RAPGEF2: variants seen among roughly 807,000 people sequenced by gnomAD.
RAPGEF2 encodes PDZ domain containing guanine nucleotide exchange factor (GEF) 1.
Under a neutral mutation model 186.7 loss-of-function variants are expected in RAPGEF2, and 54 were observed. The ratio of observed to expected loss-of-function variants is 0.29; its 90% CI spans 0.23 to 0.36. The LOEUF is 0.36. Ranked by LOEUF, RAPGEF2 falls within the 10% of genes least tolerant of loss-of-function variation. The pLI, the probability that RAPGEF2 is intolerant of heterozygous loss-of-function variation, is 1.00. For missense variants in RAPGEF2, 1,532 were observed against 2,045.0 expected (o/e 0.75, Z 4.84); for synonymous variants, 712 against 705.9 (o/e 1.01, Z -0.14).
At chr4:159,336,110 C>T (rs977854406) in intron 17 of RAPGEF2, among the ~76,000 whole-genome samples, 1 of 151,682 alleles carries the variant, frequency 6.6e-6, no homozygotes, top group Non-Finnish European at 1.5e-5. Context: ...TAATTTTGTC[C>T]CGGACTGACC....
intron 7 of RAPGEF2, chr4:159,267,249 C>T: frequency 6.2e-6 from 8 of 1,289,332 alleles, no homozygotes; most frequent in Non-Finnish European, 8.1e-6. Flanking sequence ...AGCTTTCTAT[C>T]CAGGAAATGG....
At chr4:159,209,297 T>C (rs2111367790) in intron 3 of RAPGEF2, among the ~76,000 whole-genome samples, 1 of 151,388 alleles carries the variant, frequency 6.6e-6, no homozygotes. Flanking sequence ...TAGAAATGAC[T>C]CATGAACTTA....
intron 18 of RAPGEF2, 83 bp downstream of exon 18, chr4:159,338,551 T>A: frequency 7.4e-7 from 1 of 1,346,360 alleles, no homozygotes; most frequent in Non-Finnish European, 1.0e-6. Flanking sequence ...TGTATCTCTC[T>A]TCATTTGGCA....
chr4:159,332,831 G>A (rs371480810), intron 17 of RAPGEF2, 134 bp downstream of exon 17: 2 of 1,057,220 alleles, frequency 1.9e-6, no homozygotes, highest in East Asian at 2.7e-5. Context: ...TTTGGAAGCA[G>A]TATTAAACAA....
At chr4:159,335,123 T>G (rs1579984457) in intron 17 of RAPGEF2, among the ~76,000 whole-genome samples, 2 of 152,170 alleles carry the variant, frequency 1.3e-5, no homozygotes, top group Admixed American at 6.5e-5. Flanking sequence ...CTGTTGAGTT[T>G]TTTCCTCAAA....
intron 1 of RAPGEF2, among the ~76,000 whole-genome samples, chr4:159,160,824 G>A (rs1024968653): frequency 2.0e-5 from 3 of 152,012 alleles, no homozygotes; most frequent in Non-Finnish European, 4.4e-5. Context: ...TTTTGAGTAC[G>A]ATGTAGGAAA....
intron 7 of RAPGEF2, among the ~76,000 whole-genome samples, chr4:159,277,757 G>A (rs911903473): frequency 5.3e-5 from 8 of 151,958 alleles, no homozygotes; most frequent in Admixed American, 4.6e-4. Context: ...TCCTTTGCCC[G>A]CTTTTTTATG....
chr4:159,325,397 AGG>A (rs1765786523), intron 11 of RAPGEF2, among the ~76,000 whole-genome samples: 1 of 152,196 alleles, frequency 6.6e-6, no homozygotes, highest in African/African-American at 2.4e-5. Context: ...GGGCATTTAA[AGG>A]GAATTATATA....
At position 159,322,417 on chromosome 4, in the gene RAPGEF2, C is replaced by G; in HGVS notation, c.924C>G (p.Leu308=). Residue 308 remains leucine (L), a synonymous_variant, in exon 10 of 30, where the codon CTC becomes CTG. Coordinates refer to ENST00000691494, the MANE Select transcript of RAPGEF2 (RefSeq NM_001394067.2). ...TGACAATGTCAGTGAGGCGAGAACT[C>G]TGTGCTGTGATGGTGTTCGCAGTGG... ...ANMTMSVRRE[L]CAVMVFAVVE... The G allele has an allele frequency of 6.2e-7, 1 of 1,613,950 alleles. No individual in the cohort carries two copies. The highest frequency in any genetic ancestry group is 8.5e-7 in the Non-Finnish European group (1 of 1,179,900).
rs1414657663 is a variant in RAPGEF2 at position 159,352,747 on chromosome 4, T to C, written c.3928T>C (p.Ser1310Pro). Reference protein sequence around the residue: ...NFSDSGHSEISSRSSIVSNSS... With the variant: ...NFSDSGHSEIPSRSSIVSNSS... ...TTCAGATTCTGGTCACAGTGAAATT[T>C]CTTCACGATCCAGTATTGTTAGCAA... Residue 1310 changes from serine to proline, a missense_variant, in exon 27 of 30, where the codon TCT becomes CCT. By Grantham distance (74) the Ser-to-Pro change is moderately conservative. Transcript: ENST00000691494. 1 of 1,614,244 alleles carries C rather than the reference T, an allele frequency of 6.2e-7. No individual in the cohort carries two copies. The highest frequency in any genetic ancestry group is 1.7e-5 in the Admixed American group (1 of 60,034).
intron 5 of RAPGEF2, among the ~76,000 whole-genome samples, chr4:159,240,495 A>C (rs1164249888): frequency 1.3e-5 from 2 of 151,620 alleles, no homozygotes; most frequent in African/African-American, 2.4e-5. Flanking sequence ...CACCACACCC[A>C]GCTACTTTTT....
At chr4:159,252,622 T>C (rs1392218698) in intron 7 of RAPGEF2, among the ~76,000 whole-genome samples, 1 of 152,212 alleles carries the variant, frequency 6.6e-6, no homozygotes, top group Admixed American at 6.5e-5. Flanking sequence ...TAACTTTGGT[T>C]AGACTGAAAG....
chr4:159,145,133 A>G (rs1742802644), intron 1 of RAPGEF2, among the ~76,000 whole-genome samples: 1 of 151,820 alleles, frequency 6.6e-6, no homozygotes, highest in Non-Finnish European at 1.5e-5. Context: ...TGCCCGCCTC[A>G]GCTTCCCAAA....
At position 159,329,969 on chromosome 4, in the gene RAPGEF2, C is replaced by T; in HGVS notation, c.1261C>T (p.Leu421Phe). 1 of 1,613,314 alleles carries T rather than the reference C, an allele frequency of 6.2e-7. No homozygotes were observed. Among genetic ancestry groups the T allele is most frequent in the Non-Finnish European group, 8.5e-7 (1 of 1,179,572 alleles). The change falls in exon 12 of 30, where the codon CTT becomes TTT. Residue 421 changes from leucine to phenylalanine, a missense_variant. This residue lies in a region of RAPGEF2 where 810 missense variants were observed against 1,210.5 expected (regional missense o/e 0.67). Transcript: ENST00000691494. ...TGTTATGGTGAAAGAACACCGAGAACTTGATCGAACTGGAACAAGAAAGGG... is the reference window on the plus strand; with the variant it reads ...TGTTATGGTGAAAGAACACCGAGAATTTGATCGAACTGGAACAAGAAAGGG... ...EIVMVKEHRE[L>F]DRTGTRKGHI...
chr4:159,112,838 AAAATTAATTAACT>A (rs1223649180), intron 1 of RAPGEF2, among the ~76,000 whole-genome samples: 1 of 152,214 alleles, frequency 6.6e-6, no homozygotes, highest in Non-Finnish European at 1.5e-5. Context: ...TCTCCCCCAC[AAAATTAATTAACT>A]ATAAAGGAAA....
rs141404070 is a variant in RAPGEF2, at chr4:159,206,764, A to C, written c.198-3736A>C. 2.3e-4 allele frequency among the ~76,000 whole-genome samples: 35 copies of C among 152,348 alleles called. No homozygotes were observed. The East Asian group carries it at 6.0e-3, about 26-fold the overall frequency. On this transcript the variant is annotated intron_variant, in intron 3 of 29. Coordinates refer to ENST00000691494, the MANE Select transcript of RAPGEF2 (RefSeq NM_001394067.2). Reference sequence around the variant, plus strand: ...GTAAGGGGAATTTTCTAGACTAGTAAGACTAAATAAAACATATTTCGATGC... The same window carrying C: ...GTAAGGGGAATTTTCTAGACTAGTACGACTAAATAAAACATATTTCGATGC...
At chr4:159,335,320 A>G (rs548792738) in intron 17 of RAPGEF2, among the ~76,000 whole-genome samples, 4 of 152,344 alleles carry the variant, frequency 2.6e-5, no homozygotes, top group African/African-American at 4.8e-5. Context: ...TCAGCACACT[A>G]TAAAACCAGT....
intron 2 of RAPGEF2, among the ~76,000 whole-genome samples, chr4:159,188,807 T>C (rs1747817632): frequency 6.6e-6 from 1 of 152,220 alleles, no homozygotes; most frequent in Non-Finnish European, 1.5e-5. Context: ...TTCAAGGGTA[T>C]AGTTGAGTCT....
intron 1 of RAPGEF2, among the ~76,000 whole-genome samples, chr4:159,115,589 T>G (rs1037518987): frequency 1.3e-5 from 2 of 152,312 alleles, no homozygotes; most frequent in African/African-American, 4.8e-5. Flanking sequence ...TCATGCATTC[T>G]TACAAACTCC....
Sources: allele counts gnomAD v4.1 joint callset (sites outside exome capture counted in the v4.1 genomes callset), GRCh38; gene constraint gnomAD v4.1.1; regional missense constraint gnomAD v4.1.1; transcripts MANE v1.5; gene names NCBI Gene and HGNC (gene_info 2026-07-23, HGNC 2026-07-21).